Variants in CERKL observed in about 807,000 individuals in gnomAD.
CERKL encodes the protein ceramide kinase-like protein.
A neutral mutation model predicts 63.4 loss-of-function variants in CERKL; 61 were observed. The observed-to-expected ratio is 0.96, with a 90% confidence interval of 0.78 to 1.19. The LOEUF (loss-of-function observed/expected upper bound fraction) is 1.19. CERKL is among the 50% of genes most tolerant of loss of function. The pLI is 0.00. For synonymous variants in CERKL, 250 were observed against 230.5 expected, an observed-to-expected ratio of 1.08 and a Z score of -0.77; for missense variants, 675 against 655.5, an observed-to-expected ratio of 1.03 and a Z score of -0.33.
rs577723552 is a variant in CERKL at position 181,574,502 on chromosome 2, C to T, written c.482-618G>A. On this transcript the variant is annotated intron_variant, in intron 2 of 12. Transcript: ENST00000410087. ...ACTCTTTTGGGAATTGGGAAAGCAA[C>T]GCCTCTCAGCAGGGATTCAATGATA... 1.4e-4 allele frequency among the ~76,000 whole-genome samples: 21 copies of T among 152,274 alleles called. No individual in the cohort carries two copies. In the East Asian group the frequency reaches 2.9e-3, roughly 21 times the overall value.
At chr2:181,561,348 T>G (rs184825964) in intron 4 of CERKL, among the ~76,000 whole-genome samples, 15 of 150,486 alleles carry the variant, frequency 1.0e-4, no homozygotes, top group Non-Finnish European at 1.9e-4. Flanking sequence ...AGACAGAGGT[T>G]GCACTGAGCT....
intron 1 of CERKL, among the ~76,000 whole-genome samples, chr2:181,656,548 C>T (rs893131035): frequency 7.2e-5 from 11 of 151,796 alleles, no homozygotes; most frequent in African/African-American, 2.7e-4. Context: ...GCGAAAGAAT[C>T]CCTGGGGGTT....
intron 2 of CERKL, among the ~76,000 whole-genome samples, chr2:181,585,754 A>T (rs777481354): frequency 6.6e-6 from 1 of 152,222 alleles, no homozygotes; most frequent in Non-Finnish European, 1.5e-5. Flanking sequence ...AGTAGCATTG[A>T]AAATAAACAC....
At chr2:181,578,181 CATATATATACACACACGT>C (rs1684335198) in intron 2 of CERKL, among the ~76,000 whole-genome samples, 2 of 151,916 alleles carry the variant, frequency 1.3e-5, no homozygotes, top group Non-Finnish European at 2.9e-5. Flanking sequence ...TATATACACG[CATATATATACACACACGT>C]ATATATATAC....
chr2:181,555,315 A>G (rs970185039), intron 5 of CERKL, among the ~76,000 whole-genome samples: 2 of 152,206 alleles, frequency 1.3e-5, no homozygotes, highest in Non-Finnish European at 2.9e-5. Context: ...CCACCATTAT[A>G]GTCAGAACTA....
At chr2:181,631,375 A>C (rs1187821163) in intron 1 of CERKL, among the ~76,000 whole-genome samples, 1 of 152,218 alleles carries the variant, frequency 6.6e-6, no homozygotes, top group Non-Finnish European at 1.5e-5. Flanking sequence ...CTGGAAAGTT[A>C]AGAGTCAAGA....
intron 1 of CERKL, among the ~76,000 whole-genome samples, chr2:181,625,781 T>G (rs1428819452): frequency 2.0e-5 from 3 of 152,208 alleles, no homozygotes; most frequent in Non-Finnish European, 4.4e-5. Flanking sequence ...CAACGAATAT[T>G]TGTTTAATCT....
At chr2:181,647,813 TA>T (rs1263953444) in intron 1 of CERKL, among the ~76,000 whole-genome samples, 1 of 151,832 alleles carries the variant, frequency 6.6e-6, no homozygotes, top group African/African-American at 2.4e-5. Flanking sequence ...ATAATGATCT[TA>T]AAAAAATTCA....
In CERKL at chr2:181,548,585, A is replaced by G. The variant is rs777689883; in HGVS notation, c.1093T>C (p.Ser365Pro). Reference sequence around the variant, plus strand: ...TCAGAGCTGTTAAATGGTAAAAATGATATTTCACAGTCTTCTGCCCTAAAA... The same window carrying G: ...TCAGAGCTGTTAAATGGTAAAAATGGTATTTCACAGTCTTCTGCCCTAAAA... ...AKLKAEDCEI[S>P]FLPFNSSDDV... Residue 365 changes from serine (S) to proline (P), a missense_variant, in exon 8 of 13, where the codon TCA (serine) becomes CCA (proline). By Grantham distance (74) the Ser-to-Pro change is moderately conservative. Transcript: ENST00000410087. The G allele has an allele frequency of 1.9e-6, 3 of 1,613,012 alleles. No homozygotes were observed. The highest frequency in any genetic ancestry group is 2.2e-5 in the South Asian group (2 of 91,058).
intron 1 of CERKL, among the ~76,000 whole-genome samples, chr2:181,646,847 T>A (rs188798920): frequency 4.2e-4 from 64 of 152,160 alleles, no homozygotes; most frequent in African/African-American, 1.5e-3. Flanking sequence ...CAAAGCCAGG[T>A]CTCAGATGGT....
chr2:181,567,970 T>A (rs1574457076), intron 3 of CERKL, among the ~76,000 whole-genome samples: 2 of 152,176 alleles, frequency 1.3e-5, no homozygotes, highest in East Asian at 3.9e-4. Context: ...TCTTCTTTCA[T>A]CTATTTGCCT....
chr2:181,541,644 G>A (rs950122146), intron 11 of CERKL, among the ~76,000 whole-genome samples: 5 of 152,206 alleles, frequency 3.3e-5, no homozygotes, highest in African/African-American at 1.2e-4. Context: ...TGGAAGACAA[G>A]ACCAGAGAAC....
intron 1 of CERKL, among the ~76,000 whole-genome samples, chr2:181,609,193 T>G (rs1459192713): frequency 6.6e-6 from 1 of 151,900 alleles, no homozygotes; most frequent in African/African-American, 2.4e-5. Context: ...GCCACGCTGG[T>G]GTGCTGCACC....
At chr2:181,538,273 C>CTTAT (rs748102604) in intron 12 of CERKL, 29 bp from the exon 13 acceptor site, 5 of 1,416,114 alleles carry the variant, frequency 3.5e-6, no homozygotes, top group Non-Finnish European at 4.0e-6. Context: ...ATTTCATCAA[C>CTTAT]TTATTTTGTT....
chr2:181,620,537 A>G (rs997770467), intron 1 of CERKL, among the ~76,000 whole-genome samples: 2 of 152,236 alleles, frequency 1.3e-5, no homozygotes, highest in Non-Finnish European at 2.9e-5. Flanking sequence ...TTGAAAGTTC[A>G]GAGTATTTGA....
intron 1 of CERKL, among the ~76,000 whole-genome samples, chr2:181,628,187 G>C (rs1004896526): frequency 6.6e-6 from 1 of 152,050 alleles, no homozygotes; most frequent in African/African-American, 2.4e-5. Context: ...ACTCCAAAAC[G>C]CAACACCATC....
intron 1 of CERKL, among the ~76,000 whole-genome samples, chr2:181,641,714 T>C (rs903112424): frequency 2.6e-5 from 4 of 152,202 alleles, no homozygotes; most frequent in African/African-American, 7.2e-5. Context: ...TGTTGTACAA[T>C]GCAGTTGCCA....
intron 2 of CERKL, among the ~76,000 whole-genome samples, chr2:181,601,721 C>T (rs1399479862): frequency 6.6e-6 from 1 of 152,174 alleles, no homozygotes; most frequent in Non-Finnish European, 1.5e-5. Flanking sequence ...ACAGGCCTCC[C>T]TGAGTCCACT....
chr2:181,611,770 A>G (rs1228143519), intron 1 of CERKL, among the ~76,000 whole-genome samples: 1 of 152,210 alleles, frequency 6.6e-6, no homozygotes, highest in Non-Finnish European at 1.5e-5. Flanking sequence ...ATATTTATAG[A>G]ATACATATGT....
Sources: gnomAD v4.1 joint callset for allele counts (sites outside exome capture counted in the v4.1 genomes callset) on GRCh38, gnomAD v4.1.1 for gene constraint, MANE v1.5 for transcripts, NCBI Gene and HGNC (gene_info 2026-07-23, HGNC 2026-07-21) for gene names.